Variants in OPCML observed in about 807,000 individuals in gnomAD.
OPCML encodes the protein opioid binding protein/cell adhesion molecule like, also known as opioid-binding protein/cell adhesion molecule.
In OPCML, 13 loss-of-function variants were observed where a neutral mutation model predicts 37.8. The ratio of observed to expected loss-of-function variants is 0.34; its 90% CI spans 0.22 to 0.55. OPCML has a LOEUF of 0.55. OPCML is among the 20% of genes least tolerant of loss of function. OPCML has a pLI of 0.91. For missense variants in OPCML, 341 were observed against 435.6 expected (o/e 0.78, Z 1.93); for synonymous variants, 176 against 168.8 (o/e 1.04, Z -0.33).
At chr11:133,062,523 T>G (rs533514584) in intron 1 of OPCML, among the ~76,000 whole-genome samples, 8 of 152,328 alleles carry the variant, frequency 5.3e-5, no homozygotes, top group Non-Finnish European at 1.0e-4. Flanking sequence ...AAACATTAGT[T>G]TCCAGCTTAA....
intron 1 of OPCML, among the ~76,000 whole-genome samples, chr11:132,944,015 C>T (rs961974612): frequency 6.6e-6 from 1 of 151,820 alleles, no homozygotes; most frequent in Non-Finnish European, 1.5e-5. Flanking sequence ...GCGGGCGGCG[C>T]GGACTGCGCG....
In OPCML at chr11:133,426,508, T is replaced by C. The variant is rs570088313; in HGVS notation, c.61+105756A>G. ...CGCGTTGGTAAGGTTGAAGACGCAC[T>C]CATGATAAACCAGTGAAGGTGCAGT... On this transcript the variant is annotated intron_variant, in intron 1 of 7. Transcript: ENST00000524381. 1.3e-5 allele frequency among the ~76,000 whole-genome samples: 2 copies of C among 152,290 alleles called. 1 individual carries two copies. Among genetic ancestry groups the C allele is most frequent in the South Asian group, 4.1e-4 (2 of 4,826 alleles).
chr11:133,042,186 C>T (rs1026802442), intron 1 of OPCML, among the ~76,000 whole-genome samples: 2 of 152,188 alleles, frequency 1.3e-5, no homozygotes, highest in Non-Finnish European at 2.9e-5. Flanking sequence ...ACAGCTGCAG[C>T]GTTCAAGGAA....
At chr11:133,502,810 C>T (rs1174441706) in intron 1 of OPCML, among the ~76,000 whole-genome samples, 1 of 152,132 alleles carries the variant, frequency 6.6e-6, no homozygotes, top group Non-Finnish European at 1.5e-5. Context: ...GCCAGAATTC[C>T]TGAGATGGTA....
chr11:132,724,803 G>A (rs1944817308), intron 2 of OPCML, among the ~76,000 whole-genome samples: 1 of 152,112 alleles, frequency 6.6e-6, no homozygotes, highest in African/African-American at 2.4e-5. Flanking sequence ...AAAACAAAGG[G>A]GCTACAGGCC....
chr11:133,483,463 A>C (rs896100873), intron 1 of OPCML, among the ~76,000 whole-genome samples: 4 of 151,996 alleles, frequency 2.6e-5, no homozygotes, highest in African/African-American at 9.7e-5. Flanking sequence ...TAAATAGAAA[A>C]AGAGAGACAG....
intron 1 of OPCML, among the ~76,000 whole-genome samples, chr11:133,089,678 G>A (rs1306502392): frequency 6.6e-6 from 1 of 152,020 alleles, no homozygotes; most frequent in Non-Finnish European, 1.5e-5. Context: ...CAGTAACTAC[G>A]TACTGAAGTA....
intron 2 of OPCML, among the ~76,000 whole-genome samples, chr11:132,801,470 T>A (rs890638771): frequency 7.2e-5 from 11 of 152,128 alleles, no homozygotes; most frequent in Non-Finnish European, 1.0e-4. Context: ...CCTCTCAACA[T>A]CTCACTACAC....
At chr11:133,475,014 T>C (rs546061105) in intron 1 of OPCML, among the ~76,000 whole-genome samples, 1 of 152,294 alleles carries the variant, frequency 6.6e-6, no homozygotes, top group East Asian at 1.9e-4. Flanking sequence ...AAGAAAGTTT[T>C]TGGCAATCCG....
At chr11:133,017,962 T>C (rs559076126) in intron 1 of OPCML, among the ~76,000 whole-genome samples, 2 of 152,242 alleles carry the variant, frequency 1.3e-5, no homozygotes, top group East Asian at 1.9e-4. Context: ...TCCTGAGCAT[T>C]TTTTTCTGAA....
intron 1 of OPCML, among the ~76,000 whole-genome samples, chr11:132,962,348 A>G (rs1946111770): frequency 6.6e-6 from 1 of 152,166 alleles, no homozygotes; most frequent in African/African-American, 2.4e-5. Context: ...CATCATGATG[A>G]AGACAGCATC....
chr11:132,437,829 G>A (rs1165933153), intron 4 of OPCML, among the ~76,000 whole-genome samples: 1 of 152,182 alleles, frequency 6.6e-6, no homozygotes, highest in African/African-American at 2.4e-5. Context: ...ACTACTACTT[G>A]TAGAACGAAT....
chr11:133,050,991 A>C (rs1253298469), intron 1 of OPCML, among the ~76,000 whole-genome samples: 1 of 152,010 alleles, frequency 6.6e-6, no homozygotes, highest in Non-Finnish European at 1.5e-5. Context: ...AATATTTTGC[A>C]TACAGCCAGA....
At chr11:133,519,289 G>GGAGA (rs1234437167) in intron 1 of OPCML, among the ~76,000 whole-genome samples, 5 of 152,126 alleles carry the variant, frequency 3.3e-5, no homozygotes, top group Admixed American at 1.3e-4. Flanking sequence ...ATACAAAAGA[G>GGAGA]GAGACTTCAG....
chr11:133,106,991 G>A (rs1362216185), intron 1 of OPCML, among the ~76,000 whole-genome samples: 1 of 152,134 alleles, frequency 6.6e-6, no homozygotes, highest in Non-Finnish European at 1.5e-5. Flanking sequence ...CAACTCAGTA[G>A]GTAATACGTT....
At chr11:132,976,187 A>G (rs1946459178) in intron 1 of OPCML, among the ~76,000 whole-genome samples, 1 of 152,176 alleles carries the variant, frequency 6.6e-6, no homozygotes, top group Admixed American at 6.5e-5. Flanking sequence ...TAAAGGGTAG[A>G]AATGCCAGCA....
chr11:132,757,581 TA>T (rs1179618786), intron 2 of OPCML, among the ~76,000 whole-genome samples: 2 of 152,252 alleles, frequency 1.3e-5, no homozygotes, highest in Non-Finnish European at 2.9e-5. Flanking sequence ...ATATGTTTTT[TA>T]GCCGCATAAA....
intron 4 of OPCML, among the ~76,000 whole-genome samples, chr11:132,465,863 A>C (rs2096118011): frequency 6.6e-6 from 1 of 152,352 alleles, no homozygotes; most frequent in African/African-American, 2.4e-5. Context: ...GCGTTTTAAA[A>C]ATAAAACCAA....
At chr11:133,151,518 C>T (rs1949986772) in intron 1 of OPCML, among the ~76,000 whole-genome samples, 1 of 151,804 alleles carries the variant, frequency 6.6e-6, no homozygotes, top group Admixed American at 6.6e-5. Flanking sequence ...ATGACCTTGT[C>T]CAGAATTTAT....
Sources: allele counts gnomAD v4.1 joint callset (sites outside exome capture counted in the v4.1 genomes callset), GRCh38; gene constraint gnomAD v4.1.1; transcripts MANE v1.5; gene names NCBI Gene and HGNC (gene_info 2026-07-23, HGNC 2026-07-21).